Variants in LRMDA observed in about 807,000 individuals in gnomAD.
The protein encoded by LRMDA is leucine-rich melanocyte differentiation-associated protein.
Under a neutral mutation model 29.8 loss-of-function variants are expected in LRMDA, and 18 were observed. The ratio of observed to expected loss-of-function variants is 0.60; its 90% CI spans 0.42 to 0.90. The LOEUF is 0.90. Ranked by LOEUF, LRMDA falls within the 40% of genes least tolerant of loss-of-function variation. The pLI, the probability that LRMDA is intolerant of heterozygous loss-of-function variation, is 0.00. For missense variants in LRMDA, 273 were observed against 273.9 expected, an observed-to-expected ratio of 1.00 and a Z score of 0.02; for synonymous variants, 125 against 109.4, an observed-to-expected ratio of 1.14 and a Z score of -0.89.
intron 2 of LRMDA, among the ~76,000 whole-genome samples, chr10:75,855,636 G>A (rs1452711979): frequency 6.6e-6 from 1 of 152,160 alleles, no homozygotes; most frequent in Non-Finnish European, 1.5e-5. Flanking sequence ...TGAAGTCCTT[G>A]GCCATGCCTC....
chr10:76,276,647 TA>T (rs1458134076), intron 5 of LRMDA, among the ~76,000 whole-genome samples: 10 of 152,286 alleles, frequency 6.6e-5, no homozygotes, highest in East Asian at 3.9e-4. Context: ...ATATGTGGAT[TA>T]TTTTTTTTAC....
At chr10:76,077,535 T>G (rs562116203) in intron 5 of LRMDA, among the ~76,000 whole-genome samples, 86 of 152,270 alleles carry the variant, frequency 5.6e-4, no homozygotes, top group African/African-American at 2.0e-3. Flanking sequence ...CACTTCTCTA[T>G]CAGGGACATG....
At chr10:75,522,919 A>G (rs1845376834) in intron 2 of LRMDA, among the ~76,000 whole-genome samples, 1 of 152,348 alleles carries the variant, frequency 6.6e-6, no homozygotes, top group African/African-American at 2.4e-5. Flanking sequence ...CCACAGCAGA[A>G]GCTGGCTCTG....
intron 5 of LRMDA, among the ~76,000 whole-genome samples, chr10:76,297,586 C>T (rs1475899817): frequency 6.6e-6 from 1 of 152,136 alleles, no homozygotes; most frequent in Non-Finnish European, 1.5e-5. Flanking sequence ...AGTAGGAGGT[C>T]GTTCTGTTCG....
At chr10:75,796,999 G>T (rs1339446573) in intron 2 of LRMDA, among the ~76,000 whole-genome samples, 3 of 152,184 alleles carry the variant, frequency 2.0e-5, no homozygotes, top group African/African-American at 7.2e-5. Context: ...GAATTGGAAA[G>T]TGTTCCTTCC....
intron 2 of LRMDA, among the ~76,000 whole-genome samples, chr10:75,553,862 G>A (rs1296557107): frequency 2.0e-5 from 3 of 152,052 alleles, no homozygotes; most frequent in Non-Finnish European, 4.4e-5. Context: ...TCTCTCTTGT[G>A]AGCACCATGG....
intron 2 of LRMDA, among the ~76,000 whole-genome samples, chr10:75,733,715 G>C (rs555351552): frequency 1.3e-5 from 2 of 152,210 alleles, no homozygotes; most frequent in African/African-American, 2.4e-5. Context: ...CTCTCCTCAG[G>C]AGTTAGCAGA....
intron 2 of LRMDA, among the ~76,000 whole-genome samples, chr10:75,724,859 A>T (rs1842612276): frequency 6.6e-6 from 1 of 152,156 alleles, no homozygotes; most frequent in African/African-American, 2.4e-5. Context: ...GCTTGGTTGC[A>T]CCTGTCTCTA....
chr10:76,540,544 C>T (rs1423451394), intron 6 of LRMDA, among the ~76,000 whole-genome samples: 1 of 152,200 alleles, frequency 6.6e-6, no homozygotes, highest in East Asian at 1.9e-4. Context: ...CATTTAAAAT[C>T]CAACCCACCC....
intron 2 of LRMDA, among the ~76,000 whole-genome samples, chr10:75,805,931 G>A (rs1393509192): frequency 1.3e-5 from 2 of 152,156 alleles, no homozygotes; most frequent in Admixed American, 6.5e-5. Context: ...ACCTGAGACT[G>A]GGTAACATAA....
chr10:76,458,230 C>T (rs1842478110), intron 6 of LRMDA, among the ~76,000 whole-genome samples: 1 of 151,950 alleles, frequency 6.6e-6, no homozygotes, highest in Admixed American at 6.6e-5. Flanking sequence ...CTCCTCCAGA[C>T]AAGGGTGGGT....
intron 5 of LRMDA, among the ~76,000 whole-genome samples, chr10:76,100,505 A>T (rs1849379318): frequency 6.6e-6 from 1 of 151,594 alleles, no homozygotes. Context: ...GATTCCAGGG[A>T]CCCTCTCCCT....
chr10:75,469,150 C>T (rs1844695216), intron 2 of LRMDA, among the ~76,000 whole-genome samples: 1 of 151,840 alleles, frequency 6.6e-6, no homozygotes. Context: ...TGCTGGCTCT[C>T]TTGGCTTTTT....
intron 4 of LRMDA, among the ~76,000 whole-genome samples, chr10:76,057,191 G>T (rs187970556): frequency 6.6e-6 from 1 of 152,254 alleles, no homozygotes; most frequent in Admixed American, 6.5e-5. Flanking sequence ...TAGACCTCTT[G>T]CTCTGTGCTC....
chr10:75,805,662 T>G (rs1424759540), intron 2 of LRMDA, among the ~76,000 whole-genome samples: 8 of 152,140 alleles, frequency 5.3e-5, no homozygotes, highest in Admixed American at 5.2e-4. Flanking sequence ...TGGGTTACTT[T>G]CCTGGAAGCC....
intron 6 of LRMDA, among the ~76,000 whole-genome samples, chr10:76,358,564 G>C (rs1841270476): frequency 6.6e-6 from 1 of 152,196 alleles, no homozygotes; most frequent in Non-Finnish European, 1.5e-5. Flanking sequence ...CATTCTGATA[G>C]AGCAGGAGCC....
chr10:76,379,320 T>C (rs747388295), intron 6 of LRMDA, among the ~76,000 whole-genome samples: 8 of 152,040 alleles, frequency 5.3e-5, no homozygotes, highest in Non-Finnish European at 1.0e-4. Context: ...TCCTAGAATG[T>C]GTGGTAGAAT....
chr10:76,347,463 C>G (rs1332496741), intron 6 of LRMDA, among the ~76,000 whole-genome samples: 1 of 152,140 alleles, frequency 6.6e-6, no homozygotes, highest in Non-Finnish European at 1.5e-5. Flanking sequence ...TAGTAAACTT[C>G]AACAACCACC....
At chr10:76,197,168 T>C (rs1172340711) in intron 5 of LRMDA, among the ~76,000 whole-genome samples, 2 of 152,224 alleles carry the variant, frequency 1.3e-5, no homozygotes, top group Non-Finnish European at 2.9e-5. Flanking sequence ...TCTCTATCTT[T>C]AATGCTTTCA....
Sources: gnomAD v4.1 joint callset for allele counts (sites outside exome capture counted in the v4.1 genomes callset) on GRCh38, gnomAD v4.1.1 for gene constraint, MANE v1.5 for transcripts, NCBI Gene and HGNC (gene_info 2026-07-23, HGNC 2026-07-21) for gene names.